The following KPNA3 variants were observed in gnomAD, a reference collection of about 807,000 sequenced individuals.
The protein encoded by KPNA3 is importin subunit alpha-4.
A neutral mutation model predicts 73.8 loss-of-function variants in KPNA3; 13 were observed. The ratio of observed to expected loss-of-function variants is 0.18; its 90% CI spans 0.11 to 0.28. The LOEUF (loss-of-function observed/expected upper bound fraction) is 0.28. KPNA3 is among the 10% of genes least tolerant of loss of function. KPNA3 has a pLI of 1.00. For missense variants in KPNA3, 360 were observed against 618.1 expected, an observed-to-expected ratio of 0.58 and a Z score of 4.43; for synonymous variants, 186 against 206.9, an observed-to-expected ratio of 0.90 and a Z score of 0.87.
At position 49,702,464 on chromosome 13, in the gene KPNA3, T is replaced by G; in HGVS notation, c.1389A>C (p.Glu463Asp). The change falls in exon 16 of 17, where the codon GAA becomes GAC. Residue 463 changes from glutamate to aspartate, a missense_variant. Physicochemically the swap from Glu to Asp is conservative, Grantham distance 45. Around this residue, in one of 3 missense-constraint regions of KPNA3, gnomAD observed 287 missense variants for 549.1 expected, o/e 0.52. Coordinates refer to ENST00000261667, the MANE Select transcript of KPNA3 (RefSeq NM_002267.4). ...IEECGGLEKI[E>D]VLQQHENEDI... ...CTTCATTTTCATGTTGCTGTAAAAC[T>G]TCAATTTTCTCCAAACCTGGTAAAA... 6.5e-7 allele frequency: 1 copy of G among 1,536,640 alleles called. No homozygotes were observed. The highest frequency in any genetic ancestry group is 9.0e-7 in the Non-Finnish European group (1 of 1,116,570).
chr13:49,772,619 G>A (rs1467440948), intron 1 of KPNA3, among the ~76,000 whole-genome samples: 3 of 152,010 alleles, frequency 2.0e-5, no homozygotes, highest in East Asian at 3.9e-4. Flanking sequence ...CCTGGCCAAC[G>A]TGGTGAAACC....
chr13:49,712,922 C>T (rs1027392697), intron 10 of KPNA3, among the ~76,000 whole-genome samples: 1 of 148,308 alleles, frequency 6.7e-6, no homozygotes, highest in Non-Finnish European at 1.5e-5. Context: ...CACAAAATGA[C>T]AGTTCAAATC....
intron 2 of KPNA3, among the ~76,000 whole-genome samples, chr13:49,742,555 G>T (rs1313085784): frequency 6.6e-6 from 1 of 151,278 alleles, no homozygotes. Flanking sequence ...GATGCTTCTG[G>T]GTTCATTCTT....
chr13:49,734,388 T>C (rs970249951), intron 2 of KPNA3, among the ~76,000 whole-genome samples: 1 of 152,236 alleles, frequency 6.6e-6, no homozygotes, highest in Non-Finnish European at 1.5e-5. Flanking sequence ...GTATGTACAA[T>C]ACACTGAAAT....
chr13:49,705,290 C>A (rs548717603), intron 15 of KPNA3, among the ~76,000 whole-genome samples: 3 of 149,362 alleles, frequency 2.0e-5, no homozygotes, highest in Admixed American at 6.8e-5. Flanking sequence ...ACTCGGGAGG[C>A]AGAGGTTGCA....
intron 1 of KPNA3, among the ~76,000 whole-genome samples, chr13:49,756,472 G>A (rs1581744): frequency 0.3 from 45,345 of 151,840 alleles, 7,027 homozygotes; most frequent in Non-Finnish European, 0.34. Flanking sequence ...CAGGAGGACC[G>A]CTTGTGTCCA....
Position 49,724,718 on chromosome 13 carries a change from T to A in KPNA3, c.469+698A>T, listed in dbSNP as rs114765590. On this transcript the variant is annotated intron_variant, in intron 7 of 16. Transcript: ENST00000261667. Reference sequence around the variant, plus strand: ...CTCAAGCGATCCTCTCGCCTCTGTCTCCTGAGTAGGTGCGACTATAGGCAT... The same window carrying A: ...CTCAAGCGATCCTCTCGCCTCTGTCACCTGAGTAGGTGCGACTATAGGCAT... Among the ~76,000 whole-genome samples the A allele has an allele frequency of 2.9e-3, 445 of 152,306 alleles. 5 individuals carry two copies. Among genetic ancestry groups the A allele is most frequent in the African/African-American group, 0.01 (430 of 41,570 alleles).
intron 1 of KPNA3, 76 bp downstream of exon 1, chr13:49,792,362 G>A: frequency 2.9e-6 from 3 of 1,023,216 alleles, no homozygotes; most frequent in South Asian, 2.3e-5. Context: ...AACCAGCCCG[G>A]CGCCGGCCCC....
intron 1 of KPNA3, among the ~76,000 whole-genome samples, chr13:49,771,991 T>C (rs753564365): frequency 5.9e-5 from 9 of 152,232 alleles, no homozygotes; most frequent in Non-Finnish European, 1.3e-4. Context: ...ATTGCTGGTA[T>C]ACTAAAATAC....
At chr13:49,753,148 G>C (rs1441873272) in intron 1 of KPNA3, among the ~76,000 whole-genome samples, 2 of 147,446 alleles carry the variant, frequency 1.4e-5, no homozygotes, top group African/African-American at 2.5e-5. Context: ...CAATGAAATA[G>C]AGCAAATACT....
chr13:49,771,709 A>G (rs1954857618), intron 1 of KPNA3, among the ~76,000 whole-genome samples: 2 of 152,180 alleles, frequency 1.3e-5, no homozygotes, highest in Admixed American at 1.3e-4. Context: ...TGCTCATCAT[A>G]GTAACACAAT....
chr13:49,776,186 G>A (rs1427295637), intron 1 of KPNA3, among the ~76,000 whole-genome samples: 2 of 152,128 alleles, frequency 1.3e-5, no homozygotes, highest in Admixed American at 1.3e-4. Flanking sequence ...AAAGTGCTGG[G>A]ATTATATGCA....
rs770867718 is a variant in KPNA3, at chr13:49,732,436, C to T, written c.318G>A (p.Pro106=). 72 of 1,596,386 alleles carry T rather than the reference C, an allele frequency of 4.5e-5. No homozygotes were observed. In the East Asian group the frequency reaches 1.4e-3, roughly 32 times the overall value. ...RKLLSSDRNP[P]IDDLIKSGIL... ...TCCCAGATTTTATTAAGTCATCAAT[C>T]GGTGGATTTCTGTCACTGGATAACA... Residue 106 remains proline (P), a synonymous_variant, in exon 6 of 17, where the codon CCG becomes CCA. Coordinates refer to ENST00000261667, the MANE Select transcript of KPNA3 (RefSeq NM_002267.4).
At chr13:49,705,132 G>A (rs1316936607) in intron 15 of KPNA3, among the ~76,000 whole-genome samples, 1 of 152,146 alleles carries the variant, frequency 6.6e-6, no homozygotes, top group African/African-American at 2.4e-5. Flanking sequence ...GCTGAGGCAG[G>A]TGGATCACTT....
At chr13:49,749,571 T>C (rs992442033) in intron 1 of KPNA3, among the ~76,000 whole-genome samples, 2 of 152,170 alleles carry the variant, frequency 1.3e-5, no homozygotes, top group African/African-American at 2.4e-5. Context: ...AGTCAGAACA[T>C]TGTGGTATCT....
At chr13:49,772,131 T>TA (rs1954860944) in intron 1 of KPNA3, among the ~76,000 whole-genome samples, 1 of 152,240 alleles carries the variant, frequency 6.6e-6, no homozygotes, top group Non-Finnish European at 1.5e-5. Flanking sequence ...TAAAGAGTTT[T>TA]AATTCTTATT....
chr13:49,782,142 T>TA (rs1296011803), intron 1 of KPNA3, among the ~76,000 whole-genome samples: 2 of 152,144 alleles, frequency 1.3e-5, no homozygotes, highest in Admixed American at 6.5e-5. Context: ...GCACCTACAT[T>TA]AAAAATCCCA....
intron 2 of KPNA3, among the ~76,000 whole-genome samples, chr13:49,735,154 C>T (rs574785299): frequency 1.7e-4 from 26 of 152,210 alleles, no homozygotes; most frequent in African/African-American, 5.8e-4. Context: ...GGAGTTTTTG[C>T]TCTTGTTGCC....
chr13:49,779,461 T>C (rs773753350), intron 1 of KPNA3, among the ~76,000 whole-genome samples: 1 of 152,174 alleles, frequency 6.6e-6, no homozygotes, highest in Non-Finnish European at 1.5e-5. Context: ...CCTTTCCACC[T>C]GAGGCTGCTT....
Sources: gnomAD v4.1 joint callset for allele counts (sites outside exome capture counted in the v4.1 genomes callset) on GRCh38, gnomAD v4.1.1 for gene constraint, gnomAD v4.1.1 regional missense constraint, MANE v1.5 for transcripts, NCBI Gene and HGNC (gene_info 2026-07-23, HGNC 2026-07-21) for gene names.